Variants in PLCL1 observed in about 807,000 individuals in gnomAD.
The protein encoded by PLCL1 is phospholipase C like 1 (inactive), also known as inactive phospholipase C-like protein 1.
Under a neutral mutation model 84.4 loss-of-function variants are expected in PLCL1, and 41 were observed. The ratio of observed to expected loss-of-function variants is 0.49; its 90% CI spans 0.38 to 0.63. The LOEUF (loss-of-function observed/expected upper bound fraction) is 0.63. Ranked by LOEUF, PLCL1 falls within the 30% of genes least tolerant of loss-of-function variation. PLCL1 has a pLI of 0.00. For synonymous variants in PLCL1, 490 were observed against 488.3 expected (o/e 1.00, Z -0.05); for missense variants, 1,206 against 1,367.8 (o/e 0.88, Z 1.87).
intron 1 of PLCL1, among the ~76,000 whole-genome samples, chr2:197,905,596 C>A (rs1019488060): frequency 1.3e-5 from 2 of 152,140 alleles, no homozygotes; most frequent in Non-Finnish European, 2.9e-5. Flanking sequence ...ATTTATAATC[C>A]TTTGGGTATA....
chr2:198,107,478 C>T (rs1357040325), intron 5 of PLCL1, among the ~76,000 whole-genome samples: 2 of 151,894 alleles, frequency 1.3e-5, no homozygotes, highest in Non-Finnish European at 2.9e-5. Flanking sequence ...ATAATACCTA[C>T]ATCTCAGATT....
At chr2:198,083,476 G>C (rs1008724847) in intron 1 of PLCL1, among the ~76,000 whole-genome samples, 1 of 152,182 alleles carries the variant, frequency 6.6e-6, no homozygotes, top group Non-Finnish European at 1.5e-5. Context: ...AGGTTCTTAA[G>C]AAATCTGCTT....
Position 197,804,850 on chromosome 2 carries a change from C to T in PLCL1, c.-250C>T. The T allele has an allele frequency of 2.5e-6, 1 of 400,778 alleles. No homozygotes were observed. Among genetic ancestry groups the T allele is most frequent in the Non-Finnish European group, 4.4e-6 (1 of 226,286 alleles). 24.8% of individuals were successfully genotyped at this position (400,778 alleles called of 1,614,324 possible). On this transcript the variant is annotated 5_prime_UTR_variant, in exon 1 of 6. Transcript: ENST00000428675. Reference sequence around the variant, plus strand: ...CTGCCTCCCGCTCACATCGCCTCCCCACTCCCGCCACCGTCCCCCGCCGGA... The same window carrying T: ...CTGCCTCCCGCTCACATCGCCTCCCTACTCCCGCCACCGTCCCCCGCCGGA...
intron 1 of PLCL1, among the ~76,000 whole-genome samples, chr2:197,864,008 G>A (rs1434635337): frequency 1.3e-5 from 2 of 152,108 alleles, no homozygotes; most frequent in African/African-American, 2.4e-5. Context: ...TATTTTTCTA[G>A]CAGAGTATTT....
At chr2:198,013,292 C>T (rs1690913696) in intron 1 of PLCL1, among the ~76,000 whole-genome samples, 1 of 152,012 alleles carries the variant, frequency 6.6e-6, no homozygotes, top group South Asian at 2.1e-4. Flanking sequence ...TGTTATCACT[C>T]CTGGTTCTAG....
At chr2:197,863,060 GA>G (rs111694259) in intron 1 of PLCL1, among the ~76,000 whole-genome samples, 2,214 of 152,082 alleles carry the variant, frequency 0.015, 60 homozygotes, top group African/African-American at 0.051. Context: ...ACGGTTGTTA[GA>G]AAAGGATATT....
Position 197,830,034 on chromosome 2 carries a change from C to A in PLCL1, c.240+24695C>A, listed in dbSNP as rs556941002. On this transcript the variant is annotated intron_variant, in intron 1 of 5. Coordinates refer to ENST00000428675, the MANE Select transcript of PLCL1 (RefSeq NM_006226.4). ...AAAGATGAAAACATCACATCGTAAG[C>A]CCCATTAGTTAAAAATATGCTTTTG... 9.9e-5 allele frequency among the ~76,000 whole-genome samples: 15 copies of A among 152,196 alleles called. 1 individual carries two copies. In the South Asian group the frequency reaches 3.1e-3, roughly 32 times the overall value.
chr2:198,016,729 C>G (rs745713384), intron 1 of PLCL1, among the ~76,000 whole-genome samples: 1 of 152,174 alleles, frequency 6.6e-6, no homozygotes, highest in Admixed American at 6.5e-5. Context: ...CAACTTTGAA[C>G]GAACTTGAGG....
intron 1 of PLCL1, among the ~76,000 whole-genome samples, chr2:197,860,051 A>C (rs1687400435): frequency 6.6e-6 from 1 of 151,902 alleles, no homozygotes; most frequent in South Asian, 2.1e-4. Flanking sequence ...GGTAGGCCCC[A>C]GTATCTGTTG....
At chr2:198,001,619 AT>A (rs1166522105) in intron 1 of PLCL1, among the ~76,000 whole-genome samples, 1 of 151,702 alleles carries the variant, frequency 6.6e-6, no homozygotes, top group Non-Finnish European at 1.5e-5. Context: ...AGGTTGATCC[AT>A]TTTTTTTCTG....
At chr2:198,123,623 T>C (rs1559113037) in intron 5 of PLCL1, among the ~76,000 whole-genome samples, 1 of 151,912 alleles carries the variant, frequency 6.6e-6, no homozygotes, top group Non-Finnish European at 1.5e-5. Context: ...ACTTTTAGCT[T>C]CTAGAATTGT....
rs563204055 is a variant in PLCL1 at position 197,875,987 on chromosome 2, G to T, written c.240+70648G>T. 2.0e-5 allele frequency among the ~76,000 whole-genome samples: 3 copies of T among 152,246 alleles called. No homozygotes were observed. In the South Asian group the frequency reaches 6.2e-4, roughly 32 times the overall value. On this transcript the variant is annotated intron_variant, in intron 1 of 5. Coordinates refer to ENST00000428675, the MANE Select transcript of PLCL1 (RefSeq NM_006226.4). ...CTGTGCTGTCTGACTATATAACACT[G>T]CTACAGTCATAGATAACTCAGAATT...
chr2:197,907,813 C>T (rs1434870139), intron 1 of PLCL1, among the ~76,000 whole-genome samples: 1 of 152,162 alleles, frequency 6.6e-6, no homozygotes, highest in Non-Finnish European at 1.5e-5. Context: ...ATTGAAATCA[C>T]CTGAGAGCTA....
At chr2:198,017,005 G>A (rs888488799) in intron 1 of PLCL1, among the ~76,000 whole-genome samples, 4 of 152,060 alleles carry the variant, frequency 2.6e-5, no homozygotes, top group African/African-American at 9.7e-5. Context: ...ATTTTGGTGG[G>A]GAGGCGGTAA....
At chr2:197,885,512 C>T (rs991834919) in intron 1 of PLCL1, among the ~76,000 whole-genome samples, 4 of 152,114 alleles carry the variant, frequency 2.6e-5, no homozygotes, top group Admixed American at 6.5e-5. Flanking sequence ...TATGTTTTAC[C>T]GAGTCCACTG....
chr2:197,897,388 A>T (rs1192197340), intron 1 of PLCL1, among the ~76,000 whole-genome samples: 1 of 151,962 alleles, frequency 6.6e-6, no homozygotes, highest in Non-Finnish European at 1.5e-5. Flanking sequence ...GGCAATATAG[A>T]GTGTTTGTGG....
chr2:198,018,079 G>T (rs1263311835), intron 1 of PLCL1, among the ~76,000 whole-genome samples: 1 of 152,202 alleles, frequency 6.6e-6, no homozygotes, highest in African/African-American at 2.4e-5. Context: ...AGCCCATGGA[G>T]GGCGAGCAGA....
chr2:197,903,163 C>G (rs1001987383), intron 1 of PLCL1, among the ~76,000 whole-genome samples: 3 of 152,216 alleles, frequency 2.0e-5, no homozygotes, highest in African/African-American at 7.2e-5. Flanking sequence ...AGGTTGGGAA[C>G]CTTTCTTAAG....
chr2:198,012,941 A>T (rs1423044864), intron 1 of PLCL1, among the ~76,000 whole-genome samples: 1 of 152,104 alleles, frequency 6.6e-6, no homozygotes, highest in Non-Finnish European at 1.5e-5. Flanking sequence ...AACTGATAAC[A>T]ACTTAACTAC....
Sources: gnomAD v4.1 joint callset for allele counts (sites outside exome capture counted in the v4.1 genomes callset) on GRCh38, gnomAD v4.1.1 for gene constraint, MANE v1.5 for transcripts, NCBI Gene and HGNC (gene_info 2026-07-23, HGNC 2026-07-21) for gene names.